The following KIF24 variants were observed in gnomAD, a reference collection of about 807,000 sequenced individuals.
KIF24 encodes kinesin-like protein KIF24.
A neutral mutation model predicts 118.9 loss-of-function variants in KIF24; 81 were observed. The observed-to-expected ratio is 0.68, with a 90% CI of 0.57 to 0.82. The LOEUF (loss-of-function observed/expected upper bound fraction) is 0.82, where lower values mean the gene tolerates loss of function less well. Among genes scored for constraint, KIF24 ranks in the 40% least tolerant of loss-of-function variants. The probability of loss-of-function intolerance (pLI) is 0.00; values close to 1 mark genes in which losing one functional copy is unlikely to be tolerated. For synonymous variants in KIF24, 599 were observed against 610.0 expected, an observed-to-expected ratio of 0.98 and a Z score of 0.27; for missense variants, 1,560 against 1,661.6, an observed-to-expected ratio of 0.94 and a Z score of 1.06.
At chr9:34,262,199 G>C (rs1033821008) in intron 9 of KIF24, among the ~76,000 whole-genome samples, 5 of 152,076 alleles carry the variant, frequency 3.3e-5, no homozygotes, top group African/African-American at 1.2e-4. Context: ...AAAGTGCTGG[G>C]ATTACAGGCA....
Position 34,255,976 on chromosome 9 carries a change from C to T in KIF24, c.3631G>A (p.Gly1211Arg), listed in dbSNP as rs1834817939. 1 of 1,613,976 alleles carries T rather than the reference C, an allele frequency of 6.2e-7. No homozygotes were observed. Among genetic ancestry groups the T allele is most frequent in the Admixed American group, 1.7e-5 (1 of 60,028 alleles). ...HSGPTLTPRT[G>R]SSDVADQLWA... ...AGCTGGTCAGCCACATCACTACTTCCTGTTCGTGGGGTGAGTGTAGGTCCA... is the reference window on the plus strand; with the variant it reads ...AGCTGGTCAGCCACATCACTACTTCTTGTTCGTGGGGTGAGTGTAGGTCCA... Residue 1211 changes from glycine to arginine, a missense_variant, in exon 11 of 13, where the codon GGA becomes AGA. Physicochemically the swap from Gly to Arg is moderately radical, Grantham distance 125. This residue lies in a region of KIF24 where 591 missense variants were observed against 655.6 expected (regional missense o/e 0.90). Transcript: ENST00000402558.
chr9:34,297,358 G>C (rs562092343), intron 3 of KIF24, among the ~76,000 whole-genome samples: 2 of 152,220 alleles, frequency 1.3e-5, no homozygotes, highest in Admixed American at 1.3e-4. Flanking sequence ...CTTAAGAGAA[G>C]TAAATTGATA....
chr9:34,301,852 C>T (rs1029472005), intron 3 of KIF24, among the ~76,000 whole-genome samples: 8 of 151,668 alleles, frequency 5.3e-5, no homozygotes, highest in Non-Finnish European at 2.9e-5. Context: ...AATTAAAAAA[C>T]CAAAATTACA....
intron 1 of KIF24, among the ~76,000 whole-genome samples, chr9:34,314,373 C>G (rs1394735358): frequency 6.6e-6 from 1 of 151,948 alleles, no homozygotes; most frequent in East Asian, 1.9e-4. Context: ...ACCATGTTGG[C>G]CAGGTTGGTC....
intron 5 of KIF24, 50 bp downstream of exon 5, chr9:34,290,124 G>T: frequency 7.5e-7 from 1 of 1,341,364 alleles, no homozygotes; most frequent in Non-Finnish European, 1.1e-6. Flanking sequence ...CGGGACTCTG[G>T]CTTAAAATAG....
intron 11 of KIF24, among the ~76,000 whole-genome samples, chr9:34,255,384 A>G (rs918098308): frequency 5.5e-4 from 83 of 152,108 alleles, no homozygotes; most frequent in African/African-American, 1.9e-3. Context: ...GGAGGGAGAC[A>G]GGGGCTTCCC....
At position 34,311,153 on chromosome 9, in the gene KIF24, T is replaced by C; in HGVS notation, c.194A>G (p.Gln65Arg). 1 of 1,613,612 alleles carries C rather than the reference T, an allele frequency of 6.2e-7. No homozygotes were observed. The highest frequency in any genetic ancestry group is 1.1e-5 in the South Asian group (1 of 91,048). The change falls in exon 2 of 13, where the codon CAA becomes CGA. Residue 65 changes from glutamine to arginine, a missense_variant. Around this residue, in one of 3 missense-constraint regions of KIF24, gnomAD observed 964 missense variants for 988.0 expected, o/e 0.98. Transcript: ENST00000402558. Reference sequence around the variant, plus strand: ...GATACTGACTGCTTTATCTTCTTCTTGCATAATCTTAATAATTTTGATAAG... The same window carrying C: ...GATACTGACTGCTTTATCTTCTTCTCGCATAATCTTAATAATTTTGATAAG... Reference protein sequence around the residue: ...FQLIKIIKIMQEEDKAVSIPE... With the variant: ...FQLIKIIKIMREEDKAVSIPE...
rs1350439859 is a variant in KIF24 at position 34,255,730 on chromosome 9, C to A, written c.3872+5G>T. On this transcript the variant is annotated splice_donor_5th_base_variant and intron_variant, in intron 11 of 12. Transcript: ENST00000402558. The stretch of plus-strand genomic sequence containing the variant: ...CTCAAGTCTTAGGGAAAGTGTCCAA[C>A]TTACTGCGCTTGCTCCAGGGTGGGC... The A allele has an allele frequency of 1.9e-6, 3 of 1,602,638 alleles. No homozygotes were observed. Among genetic ancestry groups the A allele is most frequent in the Admixed American group, 3.4e-5 (2 of 58,946 alleles).
At position 34,286,666 on chromosome 9, in the gene KIF24, AT is replaced by A; in HGVS notation, c.1165del (p.Ile389Ter). On this transcript the variant is annotated frameshift_variant, in exon 6 of 13. Coordinates refer to ENST00000402558, the MANE Select transcript of KIF24 (RefSeq NM_194313.4). LOFTEE classifies it high-confidence loss of function. Reference protein sequence around the residue: ...AREDSKHMVQIVGLQELQVDS... With the variant: ...AREDSKHMVQXVGLQELQVDS... The stretch of plus-strand genomic sequence containing the variant: ...CACCTGAAGCTCTTGCAGTCCCACT[AT>A]CTGCACCATGTGCTTGCTATCTTCT... 1 of 1,613,734 alleles carries A rather than the reference AT, an allele frequency of 6.2e-7. No individual in the cohort carries two copies. Among genetic ancestry groups the A allele is most frequent in the Non-Finnish European group, 8.5e-7 (1 of 1,179,684 alleles).
At chr9:34,324,490 G>C (rs1240287143) in intron 1 of KIF24, among the ~76,000 whole-genome samples, 6 of 152,018 alleles carry the variant, frequency 3.9e-5, no homozygotes, top group African/African-American at 9.7e-5. Flanking sequence ...TACCACCACT[G>C]CTCTGGTGAT....
At chr9:34,328,660 A>T (rs571408534) in intron 1 of KIF24, among the ~76,000 whole-genome samples, 1 of 152,166 alleles carries the variant, frequency 6.6e-6, no homozygotes, top group East Asian at 1.9e-4. Context: ...CAACTCAACA[A>T]ATATTTCCTG....
At chr9:34,296,842 T>C (rs1010415922) in intron 4 of KIF24, among the ~76,000 whole-genome samples, 175 bp downstream of exon 4, 8 of 152,196 alleles carry the variant, frequency 5.3e-5, no homozygotes, top group African/African-American at 1.9e-4. Flanking sequence ...TCTAAATCCT[T>C]GGTAAATCCT....
intron 6 of KIF24, among the ~76,000 whole-genome samples, chr9:34,285,390 G>A (rs1192045910): frequency 6.6e-6 from 1 of 152,050 alleles, no homozygotes; most frequent in Admixed American, 6.6e-5. Flanking sequence ...CACTTTAAGA[G>A]GCCAAGGTGA....
chr9:34,294,661 A>G (rs1452103233), intron 4 of KIF24, among the ~76,000 whole-genome samples: 1 of 152,242 alleles, frequency 6.6e-6, no homozygotes. Context: ...ATAGAAGGGA[A>G]TATTACTCAG....
Position 34,319,207 on chromosome 9 carries a change from C to G in KIF24, c.-25-7836G>C, listed in dbSNP as rs895909741. 1.4e-5 allele frequency: 23 copies of G among 1,598,880 alleles called. No individual in the cohort carries two copies. The South Asian group carries it at 1.7e-4, about 11-fold the overall frequency. On this transcript the variant is annotated intron_variant, in intron 1 of 12. Transcript: ENST00000402558. Reference sequence around the variant, plus strand: ...TGGCCCACAAGCTCTCCAGCCTCATCATCCTCATGCCCCACCACGTGGAGC... The same window carrying G: ...TGGCCCACAAGCTCTCCAGCCTCATGATCCTCATGCCCCACCACGTGGAGC...
intron 1 of KIF24, among the ~76,000 whole-genome samples, chr9:34,313,738 G>GTTTTTTTTTTTTTTTTTT (rs5897567): frequency 1.5e-5 from 2 of 130,360 alleles, no homozygotes; most frequent in Non-Finnish European, 3.3e-5. Context: ...CCCGTTATCT[G>GTTTTTTTTTTTTTTTTTT]TTTTTTTTTT....
chr9:34,272,032 T>C, intron 6 of KIF24, 102 bp from the exon 7 acceptor site: 3 of 1,057,998 alleles, frequency 2.8e-6, no homozygotes, highest in Non-Finnish European at 4.0e-6. Flanking sequence ...TATAATTGTG[T>C]CAGTGCACTG....
Position 34,254,386 on chromosome 9 carries a change from C to G in KIF24, c.4101G>C (p.Pro1367=), listed in dbSNP as rs146882840. 1 of 1,612,742 alleles carries G rather than the reference C, an allele frequency of 6.2e-7. No homozygotes were observed. The highest frequency in any genetic ancestry group is 1.1e-5 in the South Asian group (1 of 90,976). Residue 1367 remains proline (P), a synonymous_variant, in exon 13 of 13, where the codon CCG becomes CCC. Coordinates refer to ENST00000402558, the MANE Select transcript of KIF24 (RefSeq NM_194313.4). ...CTCGGCACAGGGTCTGGCTCTAAGA[C>G]GGCACTGTTCCCTCAGGGGCTGCGG... ...GPTAAPEGTV[P]S
In KIF24 at chr9:34,254,143, C is replaced by G. The variant is rs141375193; in HGVS notation, c.*237G>C. The G allele has an allele frequency of 2.5e-6, 1 of 404,706 alleles. No homozygotes were observed. Among genetic ancestry groups the G allele is most frequent in the African/African-American group, 2.0e-5 (1 of 48,982 alleles). 25.1% of individuals were successfully genotyped at this position (404,706 alleles called of 1,614,324 possible). ...CACAAGGGAAAGGCATTAGGTTCTT[C>G]GGCCTGGCCCACCCTTGGAGGCACT... On this transcript the variant is annotated 3_prime_UTR_variant, in exon 13 of 13. Coordinates refer to ENST00000402558, the MANE Select transcript of KIF24 (RefSeq NM_194313.4).
Sources: allele counts gnomAD v4.1 joint callset (sites outside exome capture counted in the v4.1 genomes callset), GRCh38; gene constraint gnomAD v4.1.1; regional missense constraint gnomAD v4.1.1; transcripts MANE v1.5; gene names NCBI Gene and HGNC (gene_info 2026-07-23, HGNC 2026-07-21).